TBC1D5: variants seen among roughly 807,000 people sequenced by gnomAD.
TBC1D5 encodes the protein TBC1 domain family member 5, also known as TBC1 domain family, member 5.
Under a neutral mutation model 100.3 loss-of-function variants are expected in TBC1D5, and 75 were observed. The observed-to-expected ratio is 0.75, with a 90% CI of 0.62 to 0.91. The LOEUF is 0.91. TBC1D5 is among the 40% of genes least tolerant of loss of function. TBC1D5 has a pLI of 0.00. For synonymous variants in TBC1D5, 323 were observed against 325.6 expected, an observed-to-expected ratio of 0.99 and a Z score of 0.09; for missense variants, 910 against 942.4, an observed-to-expected ratio of 0.97 and a Z score of 0.45.
intron 3 of TBC1D5, among the ~76,000 whole-genome samples, chr3:17,453,778 A>T (rs1464175602): frequency 6.6e-6 from 1 of 152,168 alleles, no homozygotes; most frequent in Admixed American, 6.5e-5. Flanking sequence ...CTACAATGCC[A>T]ATATACCAAA....
intron 3 of TBC1D5, among the ~76,000 whole-genome samples, chr3:17,444,859 T>C (rs1034896519): frequency 2.6e-5 from 4 of 152,122 alleles, no homozygotes; most frequent in Admixed American, 1.3e-4. Flanking sequence ...TTTCAATGGC[T>C]ACAAAGGGTG....
chr3:17,735,775 C>G (rs1560586985), intron 1 of TBC1D5, among the ~76,000 whole-genome samples: 2 of 152,206 alleles, frequency 1.3e-5, no homozygotes, highest in Admixed American at 6.5e-5. Flanking sequence ...CCTGCTGGAT[C>G]TGGAGGGGTG....
chr3:17,411,204 A>ATT lies in TBC1D5; in HGVS notation c.168-4680_168-4679dup, dbSNP rs35110143. 7.3e-4 allele frequency among the ~76,000 whole-genome samples: 108 copies of ATT among 148,472 alleles called. 1 individual carries two copies. The highest frequency in any genetic ancestry group is 2.5e-3 in the African/African-American group (101 of 40,674). ...GCTGAAGGCTCAGATGATCCTTGGC[A>ATT]TTTTTTTTTTTTGCAATAAGGTATT... On this transcript the variant is annotated intron_variant, in intron 4 of 21. Coordinates refer to ENST00000253692, the Ensembl canonical transcript of TBC1D5.
At chr3:17,201,825 G>T in intron 18 of TBC1D5, among the ~76,000 whole-genome samples, 1 of 152,128 alleles carries the variant, frequency 6.6e-6, no homozygotes, top group East Asian at 1.9e-4. Flanking sequence ...TACAGCATCT[G>T]GAACTTTGAG....
At chr3:17,310,862 T>C (rs1351970406) in intron 13 of TBC1D5, among the ~76,000 whole-genome samples, 1 of 151,976 alleles carries the variant, frequency 6.6e-6, no homozygotes, top group Non-Finnish European at 1.5e-5. Flanking sequence ...CTCAAAATAT[T>C]TAAGAAGAAG....
At chr3:17,671,828 A>T (rs1456741408) in intron 1 of TBC1D5, among the ~76,000 whole-genome samples, 2 of 152,276 alleles carry the variant, frequency 1.3e-5, no homozygotes, top group Non-Finnish European at 1.5e-5. Flanking sequence ...TGATTAAAAC[A>T]GAGATCATTT....
At chr3:17,342,755 T>C (rs925871165) in intron 13 of TBC1D5, among the ~76,000 whole-genome samples, 2 of 152,202 alleles carry the variant, frequency 1.3e-5, no homozygotes, top group African/African-American at 4.8e-5. Flanking sequence ...ACATATAATA[T>C]ATAAACAAAT....
intron 15 of TBC1D5, among the ~76,000 whole-genome samples, chr3:17,273,989 C>G (rs942750842): frequency 7.2e-6 from 1 of 138,886 alleles, no homozygotes; most frequent in Non-Finnish European, 1.5e-5. Context: ...TTTCAAGAAG[C>G]TCAAAGTTTA....
chr3:17,176,025 G>T (rs1194575149), intron 19 of TBC1D5, among the ~76,000 whole-genome samples: 1 of 152,230 alleles, frequency 6.6e-6, no homozygotes, highest in Non-Finnish European at 1.5e-5. Flanking sequence ...ATTAGCTAAA[G>T]AGAGTTGGGA....
chr3:17,312,868 T>C (rs1218827104), intron 13 of TBC1D5, among the ~76,000 whole-genome samples: 1 of 152,194 alleles, frequency 6.6e-6, no homozygotes, highest in African/African-American at 2.4e-5. Context: ...AAGATGATCA[T>C]GAACATGTTG....
chr3:17,292,175 A>T (rs2081827484), intron 14 of TBC1D5, among the ~76,000 whole-genome samples, 174 bp from the exon 15 acceptor site: 1 of 152,220 alleles, frequency 6.6e-6, no homozygotes, highest in Admixed American at 6.5e-5. Flanking sequence ...GAAGGAACAC[A>T]TTGTATTGTT....
intron 13 of TBC1D5, among the ~76,000 whole-genome samples, chr3:17,309,644 A>C (rs2083777237): frequency 6.6e-6 from 1 of 152,024 alleles, no homozygotes; most frequent in Non-Finnish European, 1.5e-5. Context: ...TAGGAAAAAA[A>C]ATACTTCTCC....
intron 15 of TBC1D5, among the ~76,000 whole-genome samples, chr3:17,269,154 T>G (rs187406077): frequency 1.1e-4 from 16 of 152,278 alleles, no homozygotes; most frequent in African/African-American, 3.8e-4. Context: ...CAGCCCTGGA[T>G]AGGAGTAACA....
chr3:17,383,147 ACTG>A (rs1232327942), intron 9 of TBC1D5, among the ~76,000 whole-genome samples: 2 of 151,978 alleles, frequency 1.3e-5, no homozygotes, highest in Non-Finnish European at 1.5e-5. Flanking sequence ...AATTAAATAC[ACTG>A]CTTTTACCAT....
At chr3:17,528,183 C>A (rs1359088865) in intron 2 of TBC1D5, among the ~76,000 whole-genome samples, 1 of 152,136 alleles carries the variant, frequency 6.6e-6, no homozygotes. Context: ...CCTCAGCCTC[C>A]CAAAGTGCTG....
chr3:17,360,295 T>A (rs151042544), intron 13 of TBC1D5, among the ~76,000 whole-genome samples: 133 of 152,156 alleles, frequency 8.7e-4, no homozygotes, highest in Non-Finnish European at 1.5e-3. Context: ...ATACTTATGT[T>A]CAAAGAACCA....
intron 1 of TBC1D5, among the ~76,000 whole-genome samples, chr3:17,701,219 T>C (rs1193148575): frequency 6.6e-6 from 1 of 151,970 alleles, no homozygotes; most frequent in Non-Finnish European, 1.5e-5. Context: ...CTCAGCAAAC[T>C]ATCACAAGGA....
At chr3:17,303,650 C>T in intron 14 of TBC1D5, among the ~76,000 whole-genome samples, 1 of 152,116 alleles carries the variant, frequency 6.6e-6, no homozygotes. Context: ...ATGCATTTAG[C>T]TTTCTCATGC....
chr3:17,404,097 ATACT>A (rs1307597302), intron 7 of TBC1D5, among the ~76,000 whole-genome samples: 1 of 152,148 alleles, frequency 6.6e-6, no homozygotes, highest in Admixed American at 6.6e-5. Context: ...GAGTCTATAA[ATACT>A]TACGTATTGG....
Sources: gnomAD v4.1 joint callset for allele counts (sites outside exome capture counted in the v4.1 genomes callset) on GRCh38, gnomAD v4.1.1 for gene constraint, MANE v1.5 for transcripts, NCBI Gene and HGNC (gene_info 2026-07-23, HGNC 2026-07-21) for gene names.